The following PPP2R2C variants were observed in gnomAD, a reference collection of about 807,000 sequenced individuals.
PPP2R2C encodes protein phosphatase 2 regulatory subunit Bgamma, also known as protein phosphatase 2, regulatory subunit B, gamma.
A neutral mutation model predicts 45.3 loss-of-function variants in PPP2R2C; 10 were observed. The ratio of observed to expected loss-of-function variants is 0.22; its 90% CI spans 0.14 to 0.37. PPP2R2C has a LOEUF of 0.37. Among genes scored for constraint, PPP2R2C ranks in the 10% least tolerant of loss-of-function variants. PPP2R2C has a pLI of 1.00. For synonymous variants in PPP2R2C, 257 were observed against 245.4 expected (o/e 1.05, Z -0.44); for missense variants, 308 against 619.7 (o/e 0.50, Z 5.34).
chr4:6,429,974 G>A lies in PPP2R2C; in HGVS notation c.70+42186C>T, dbSNP rs542631520. ...AGAGAAGTCACACACCTTGCCCAAC[G>A]TCACACAGCACATCAGCAGAGGTCT... On this transcript the variant is annotated intron_variant, in intron 1 of 8. Transcript: ENST00000382599. Among the ~76,000 whole-genome samples, 144 of 152,222 alleles carry A rather than the reference G, an allele frequency of 9.5e-4. 1 individual carries two copies. Among genetic ancestry groups the A allele is most frequent in the South Asian group, 3.5e-3 (17 of 4,814 alleles).
intron 2 of PPP2R2C, among the ~76,000 whole-genome samples, chr4:6,477,859 T>G (rs892809366): frequency 6.6e-6 from 1 of 151,828 alleles, no homozygotes; most frequent in Non-Finnish European, 1.5e-5. Flanking sequence ...CCTGTCGACA[T>G]GCACTCACAC....
chr4:6,402,594 G>A (rs1717490599), intron 1 of PPP2R2C, among the ~76,000 whole-genome samples: 1 of 152,216 alleles, frequency 6.6e-6, no homozygotes, highest in Non-Finnish European at 1.5e-5. Context: ...GGAGTAGGTG[G>A]GACATGGAGC....
intron 5 of PPP2R2C, among the ~76,000 whole-genome samples, chr4:6,363,211 G>A (rs1160704731): frequency 6.6e-6 from 1 of 152,168 alleles, no homozygotes; most frequent in Non-Finnish European, 1.5e-5. Flanking sequence ...GTTGTGTGCT[G>A]GTAACTTGAA....
chr4:6,346,530 C>T (rs1359873026), intron 6 of PPP2R2C, among the ~76,000 whole-genome samples: 1 of 152,198 alleles, frequency 6.6e-6, no homozygotes, highest in Admixed American at 6.5e-5. Context: ...GTCTGTCTCC[C>T]CCGCAGACGC....
chr4:6,531,091 G>A lies in PPP2R2C; in HGVS notation c.49+4180C>T, dbSNP rs138152518. ...ATCACCCCTCCTGGGGCCAGGAGCT[G>A]TGCCTGGTGGCACCAAAGGCAGCAA... On this transcript the variant is annotated intron_variant, in intron 2 of 9. Transcript: ENST00000506140. Among the ~76,000 whole-genome samples the A allele has an allele frequency of 2.5e-3, 382 of 152,322 alleles. 2 individuals carry two copies. The highest frequency in any genetic ancestry group is 8.4e-3 in the African/African-American group (351 of 41,580).
chr4:6,529,517 T>C (rs1724325663), intron 2 of PPP2R2C, among the ~76,000 whole-genome samples: 1 of 148,346 alleles, frequency 6.7e-6, no homozygotes, highest in African/African-American at 2.6e-5. Flanking sequence ...AGTTTGCAGA[T>C]GAGAAAACTG....
chr4:6,541,627 A>C (rs1181387559), intron 1 of PPP2R2C, among the ~76,000 whole-genome samples: 1 of 152,002 alleles, frequency 6.6e-6, no homozygotes, highest in African/African-American at 2.4e-5. Context: ...GCTCACTGCA[A>C]CCTCTGCCTC....
intron 1 of PPP2R2C, among the ~76,000 whole-genome samples, chr4:6,418,849 CCTGCCCTGTACTAAGTGT>C (rs1439652237): frequency 6.6e-6 from 1 of 152,216 alleles, no homozygotes; most frequent in Non-Finnish European, 1.5e-5. Flanking sequence ...CCGAGCTCGG[CCTGCCCTGTACTAAGTGT>C]CATGCCTGGT....
intron 1 of PPP2R2C, among the ~76,000 whole-genome samples, chr4:6,559,783 C>T (rs534392396): frequency 2.6e-5 from 4 of 152,350 alleles, no homozygotes; most frequent in African/African-American, 9.6e-5. Context: ...CCTCACCAGA[C>T]ACTGAATCCG....
chr4:6,344,731 A>G (rs1393400480), intron 6 of PPP2R2C, among the ~76,000 whole-genome samples: 1 of 152,226 alleles, frequency 6.6e-6, no homozygotes. Context: ...ATTTCTTTCC[A>G]GAGTTTTCTC....
At chr4:6,367,157 G>C (rs1714394055) in intron 5 of PPP2R2C, among the ~76,000 whole-genome samples, 1 of 151,844 alleles carries the variant, frequency 6.6e-6, no homozygotes, top group South Asian at 2.1e-4. Flanking sequence ...CTCCAGCAGA[G>C]ATGTCCTCTG....
intron 2 of PPP2R2C, among the ~76,000 whole-genome samples, chr4:6,489,995 T>C (rs1722647284): frequency 6.6e-6 from 1 of 152,210 alleles, no homozygotes; most frequent in African/African-American, 2.4e-5. Context: ...CAATTAAGCA[T>C]GATCGAGCAG....
At chr4:6,399,126 C>T (rs1202854951) in intron 1 of PPP2R2C, among the ~76,000 whole-genome samples, 1 of 152,182 alleles carries the variant, frequency 6.6e-6, no homozygotes, top group Non-Finnish European at 1.5e-5. Context: ...GAACAGGAAA[C>T]GTTTTGTGGG....
chr4:6,532,522 G>A (rs1452781069), intron 2 of PPP2R2C, among the ~76,000 whole-genome samples: 1 of 152,238 alleles, frequency 6.6e-6, no homozygotes, highest in Non-Finnish European at 1.5e-5. Flanking sequence ...GCTGTCTGGG[G>A]AGGCGCAGGC....
At chr4:6,475,977 C>A (rs539020728), upstream of PPP2R2C, among the ~76,000 whole-genome samples, 1 of 152,274 alleles carries the variant, frequency 6.6e-6, no homozygotes, top group Non-Finnish European at 1.5e-5. Flanking sequence ...CCCACTCTCT[C>A]CCCAGGTGCT....
intron 2 of PPP2R2C, among the ~76,000 whole-genome samples, chr4:6,510,813 T>G (rs1723405113): frequency 1.3e-5 from 2 of 151,826 alleles, no homozygotes; most frequent in South Asian, 4.2e-4. Context: ...ATGTCCCCAC[T>G]AAAAATCCAA....
At chr4:6,497,436 A>G (rs2108791242) in intron 2 of PPP2R2C, among the ~76,000 whole-genome samples, 1 of 152,230 alleles carries the variant, frequency 6.6e-6, no homozygotes. Flanking sequence ...TAAACCATTT[A>G]CTCGGTGGTG....
chr4:6,345,899 C>T lies in PPP2R2C; in HGVS notation c.790+1947G>A, dbSNP rs1711854414. Among the ~76,000 whole-genome samples, 1 of 152,176 alleles carries T rather than the reference C, an allele frequency of 6.6e-6. No homozygotes were observed. Among genetic ancestry groups the T allele is most frequent in the African/African-American group, 2.4e-5 (1 of 41,438 alleles). On this transcript the variant is annotated intron_variant, in intron 6 of 8. Coordinates refer to ENST00000382599, the MANE Select transcript of PPP2R2C (RefSeq NM_020416.4). This position sits in a 1 kb window ranked among gnomAD's most constrained non-coding sequence, Gnocchi z 5.3. ...ACTTATCTCCAGGTGGCATTACTGC[C>T]TGGATATCTGGCTGCCTACTCGACC...
At chr4:6,350,231 G>A (rs4386675) in intron 5 of PPP2R2C, 664,015 of 985,272 alleles carry the variant, frequency 0.67, 230,260 homozygotes, top group South Asian at 0.71. Flanking sequence ...TTTCTCCAGC[G>A]TCCACCTGGC....
Sources: allele counts gnomAD v4.1 joint callset (sites outside exome capture counted in the v4.1 genomes callset), GRCh38; gene constraint gnomAD v4.1.1; non-coding constraint Gnocchi (gnomAD v3.1); transcripts MANE v1.5; gene names NCBI Gene and HGNC (gene_info 2026-07-23, HGNC 2026-07-21).